The following DNAH14 variants were observed in gnomAD, a reference collection of about 807,000 sequenced individuals.
The protein encoded by DNAH14 is axonemal beta dynein heavy chain 14.
Under a neutral mutation model 520.9 loss-of-function variants are expected in DNAH14, and 478 were observed. That is an observed-to-expected ratio of 0.92 (90% CI 0.85 to 0.99). The LOEUF (loss-of-function observed/expected upper bound fraction) is 0.99, where lower values mean the gene tolerates loss of function less well. DNAH14 is among the 50% of genes least tolerant of loss of function. DNAH14 has a pLI of 0.00. For synonymous variants in DNAH14, 1,581 were observed against 1,757.2 expected (o/e 0.90, Z 2.51); for missense variants, 4,831 against 5,234.5 (o/e 0.92, Z 2.38).
At chr1:224,937,560 A>T (rs2059122676) in intron 1 of DNAH14, among the ~76,000 whole-genome samples, 1 of 151,980 alleles carries the variant, frequency 6.6e-6, no homozygotes. Context: ...AAGAGGACAC[A>T]ATGAAATATA....
At chr1:225,383,257 AAAT>A (rs1464670013) in intron 81 of DNAH14, among the ~76,000 whole-genome samples, 1 of 152,234 alleles carries the variant, frequency 6.6e-6, no homozygotes, top group Non-Finnish European at 1.5e-5. Flanking sequence ...AGACGAGAGG[AAAT>A]AATAACAATT....
chr1:225,386,132 C>T (rs772095449), intron 81 of DNAH14, among the ~76,000 whole-genome samples: 44 of 152,148 alleles, frequency 2.9e-4, no homozygotes, highest in African/African-American at 8.9e-4. Flanking sequence ...AATGGGGAAA[C>T]GATTCCCTAT....
At chr1:225,358,432 C>T (rs969185334) in intron 73 of DNAH14, 64 bp from the exon 74 acceptor site, 3 of 1,308,504 alleles carry the variant, frequency 2.3e-6, no homozygotes, top group Non-Finnish European at 3.1e-6. Context: ...TTTCATTTTA[C>T]CATAGGGAAT....
chr1:225,170,858 C>T lies in DNAH14; in HGVS notation c.5535+2830C>T, dbSNP rs938619886. ...ACCGCACTTATTCCAACATTGACCA[C>T]TTAGTTGGAAGTAAAGCAGTCCTCA... On this transcript the variant is annotated intron_variant, in intron 36 of 85. Coordinates refer to ENST00000682510, the MANE Select transcript of DNAH14 (RefSeq NM_001367479.1). Among the ~76,000 whole-genome samples the T allele has an allele frequency of 3.3e-5, 5 of 152,296 alleles. 1 individual carries two copies. The highest frequency in any genetic ancestry group is 4.1e-4 in the South Asian group (2 of 4,830).
chr1:225,144,740 C>A, intron 29 of DNAH14, 112 bp downstream of exon 29: 1 of 790,146 alleles, frequency 1.3e-6, no homozygotes, highest in Non-Finnish European at 2.0e-6. Flanking sequence ...ATTGCATTAA[C>A]AAGCACATTC....
chr1:225,306,985 A>C (rs771099763), intron 58 of DNAH14, among the ~76,000 whole-genome samples: 2 of 152,042 alleles, frequency 1.3e-5, no homozygotes, highest in Non-Finnish European at 2.9e-5. Context: ...CTTACAGCCT[A>C]TCTGGTTCTC....
At chr1:225,294,842 G>T (rs1042441097) in intron 55 of DNAH14, among the ~76,000 whole-genome samples, 17 of 151,564 alleles carry the variant, frequency 1.1e-4, no homozygotes, top group African/African-American at 1.5e-4. Flanking sequence ...AAAAAAGTTG[G>T]TAGAATTCAG....
At chr1:225,330,653 G>A (rs891953389) in intron 64 of DNAH14, among the ~76,000 whole-genome samples, 5 of 152,138 alleles carry the variant, frequency 3.3e-5, no homozygotes, top group African/African-American at 9.7e-5. Context: ...GTTACCAGAG[G>A]CTGGGAAGGG....
intron 69 of DNAH14, among the ~76,000 whole-genome samples, chr1:225,344,710 T>C (rs1197148743): frequency 1.3e-5 from 2 of 151,232 alleles, no homozygotes; most frequent in Non-Finnish European, 2.9e-5. Context: ...TTTATTTATT[T>C]ATTTATTTAT....
intron 42 of DNAH14, among the ~76,000 whole-genome samples, chr1:225,234,230 C>T (rs942856305): frequency 4.6e-5 from 7 of 152,056 alleles, no homozygotes; most frequent in Admixed American, 6.5e-5. Flanking sequence ...GTGATGCTAC[C>T]CAGGCTGGAG....
At chr1:225,323,759 C>G (rs2094599277) in intron 62 of DNAH14, among the ~76,000 whole-genome samples, 1 of 152,120 alleles carries the variant, frequency 6.6e-6, no homozygotes. Context: ...CCTTGCCCAG[C>G]CACTAGCGTC....
chr1:224,996,297 G>A (rs1008429445), intron 8 of DNAH14, among the ~76,000 whole-genome samples: 6 of 151,660 alleles, frequency 4.0e-5, no homozygotes, highest in Non-Finnish European at 8.8e-5. Flanking sequence ...GAGACCACAG[G>A]TGCATGCCAC....
At chr1:225,111,042 A>G (rs1194954601) in intron 23 of DNAH14, among the ~76,000 whole-genome samples, 3 of 152,190 alleles carry the variant, frequency 2.0e-5, no homozygotes, top group Middle Eastern at 3.4e-3. Context: ...GTGGCCTAAC[A>G]TATCATTCTT....
intron 73 of DNAH14, among the ~76,000 whole-genome samples, chr1:225,354,505 A>C (rs557363806): frequency 1.3e-5 from 2 of 152,292 alleles, no homozygotes; most frequent in African/African-American, 2.4e-5. Context: ...TGTGTTAAGC[A>C]CTTTACATAT....
intron 84 of DNAH14, among the ~76,000 whole-genome samples, chr1:225,398,301 A>G (rs894154199): frequency 6.6e-6 from 1 of 152,206 alleles, no homozygotes; most frequent in Non-Finnish European, 1.5e-5. Context: ...AAAAATACAT[A>G]TATTTCAGTT....
At chr1:225,249,101 A>G (rs2092435571) in intron 43 of DNAH14, among the ~76,000 whole-genome samples, 1 of 152,216 alleles carries the variant, frequency 6.6e-6, no homozygotes, top group Admixed American at 6.5e-5. Context: ...AGCCCCTCGT[A>G]GAGCCAATCC....
At chr1:225,145,087 T>C (rs1325088008) in intron 29 of DNAH14, among the ~76,000 whole-genome samples, 1 of 152,186 alleles carries the variant, frequency 6.6e-6, no homozygotes, top group Non-Finnish European at 1.5e-5. Context: ...TTTTTATTCA[T>C]AGATTTATGT....
intron 45 of DNAH14, 121 bp from the exon 46 acceptor site, chr1:225,259,000 A>T (rs1464082154): frequency 9.4e-7 from 1 of 1,063,088 alleles, no homozygotes; most frequent in Non-Finnish European, 1.3e-6. Flanking sequence ...AAAAGGGAAG[A>T]ACAAAAAAAC....
rs113850862 is a variant in DNAH14 at position 225,154,546 on chromosome 1, T to A, written c.5273+720T>A. On this transcript the variant is annotated intron_variant, in intron 34 of 85. Transcript: ENST00000682510. ...CAAACCATTGGAACAGTATAGAAAA[T>A]AGAACTATATGCTTTGGGCATTTAT... is the stretch of plus-strand genomic sequence containing the variant. Among the ~76,000 whole-genome samples the A allele has an allele frequency of 3.9e-3, 592 of 152,058 alleles. 5 individuals are homozygous for A. Among genetic ancestry groups the A allele is most frequent in the African/African-American group, 0.013 (560 of 41,512 alleles).
Sources: gnomAD v4.1 joint callset for allele counts (sites outside exome capture counted in the v4.1 genomes callset) on GRCh38, gnomAD v4.1.1 for gene constraint, MANE v1.5 for transcripts, NCBI Gene and HGNC (gene_info 2026-07-23, HGNC 2026-07-21) for gene names.